The following MAPK8IP3 variants were observed in gnomAD, a reference collection of about 807,000 sequenced individuals.
MAPK8IP3 encodes C-Jun-amino-terminal kinase-interacting protein 3.
A neutral mutation model predicts 157.8 loss-of-function variants in MAPK8IP3; 49 were observed. The observed-to-expected ratio is 0.31, with a 90% CI of 0.25 to 0.39. The LOEUF is 0.39. Among genes scored for constraint, MAPK8IP3 ranks in the 10% least tolerant of loss-of-function variants. The pLI is 1.00. For synonymous variants in MAPK8IP3, 897 were observed against 777.7 expected (o/e 1.15, Z -2.55); for missense variants, 1,478 against 1,889.4 (o/e 0.78, Z 4.04).
At chr16:1,748,171 G>C (rs767401818) in intron 6 of MAPK8IP3, 73 bp from the exon 7 acceptor site, 1 of 1,167,846 alleles carries the variant, frequency 8.6e-7, no homozygotes, top group African/African-American at 1.5e-5. Flanking sequence ...CTCAGGTTCC[G>C]AGGGCAGCCG....
At chr16:1,760,659 C>G (rs1156652041) in intron 12 of MAPK8IP3, 127 bp downstream of exon 12, 6 of 1,206,714 alleles carry the variant, frequency 5.0e-6, no homozygotes, top group Non-Finnish European at 5.6e-6. Flanking sequence ...ACCTCCAGCT[C>G]CAGCTCACAG....
At chr16:1,738,004 ATC>A (rs1470688193) in intron 4 of MAPK8IP3, among the ~76,000 whole-genome samples, 9 of 55,892 alleles carry the variant, frequency 1.6e-4, no homozygotes, top group African/African-American at 2.4e-4. Flanking sequence ...CCATGTGAGC[ATC>A]TGTGTGACCG....
intron 2 of MAPK8IP3, among the ~76,000 whole-genome samples, chr16:1,728,139 T>C (rs2039018854): frequency 6.6e-6 from 1 of 152,158 alleles, no homozygotes; most frequent in African/African-American, 2.4e-5. Flanking sequence ...GGACATAGAG[T>C]GGGGTCCCCT....
At position 1,743,387 on chromosome 16, in the gene MAPK8IP3, C is replaced by T. The variant is rs766906412; in HGVS notation, c.658C>T (p.Arg220Cys). Reference sequence around the variant, plus strand: ...GTTCCCCCTGGCTGACGGCACGGTACGTGCACAGATCGGGGGCAAGCTCGT... The same window carrying T: ...GTTCCCCCTGGCTGACGGCACGGTATGTGCACAGATCGGGGGCAAGCTCGT... ...NVFPLADGTV[R>C]AQIGGKLVPA... The change falls in exon 5 of 32, where the codon CGT becomes TGT. Residue 220 changes from arginine (R) to cysteine (C), a missense_variant. Arg to Cys is a radical substitution (Grantham distance 180). This residue lies in a region of MAPK8IP3 where 315 missense variants were observed against 394.4 expected (regional missense o/e 0.80). Transcript: ENST00000610761. The surrounding 1 kb of genome is among the most constrained non-coding windows in gnomAD (Gnocchi z 5.6). The T allele has an allele frequency of 6.2e-6, 10 of 1,607,910 alleles. No homozygotes were observed. Among genetic ancestry groups the T allele is most frequent in the Admixed American group, 3.4e-5 (2 of 59,260 alleles).
At chr16:1,713,356 C>A (rs2037921201) in intron 1 of MAPK8IP3, among the ~76,000 whole-genome samples, 1 of 152,176 alleles carries the variant, frequency 6.6e-6, no homozygotes, top group East Asian at 1.9e-4. Flanking sequence ...ATAGCTGGGA[C>A]TACAGGCTCG....
At chr16:1,713,307 C>G (rs1164064336) in intron 1 of MAPK8IP3, among the ~76,000 whole-genome samples, 4 of 152,206 alleles carry the variant, frequency 2.6e-5, no homozygotes, top group African/African-American at 9.7e-5. Flanking sequence ...TGGTCTCAAA[C>G]TTCTGGACCG....
At chr16:1,713,026 G>A (rs2037897676) in intron 1 of MAPK8IP3, among the ~76,000 whole-genome samples, 1 of 152,246 alleles carries the variant, frequency 6.6e-6, no homozygotes, top group Non-Finnish European at 1.5e-5. Context: ...ATCTGTGTGT[G>A]TGGATAAAGG....
intron 23 of MAPK8IP3, 37 bp downstream of exon 23, chr16:1,766,685 T>C: frequency 1.9e-6 from 3 of 1,612,562 alleles, no homozygotes; most frequent in Non-Finnish European, 2.5e-6. Flanking sequence ...GGGAGGGTCC[T>C]GGGTGAGCCC....
intron 1 of MAPK8IP3, among the ~76,000 whole-genome samples, chr16:1,718,664 G>A (rs2038317288): frequency 6.6e-6 from 1 of 151,786 alleles, no homozygotes; most frequent in Non-Finnish European, 1.5e-5. Context: ...CATGGTGGTG[G>A]GCACCTGTAA....
At chr16:1,763,614 G>A (rs1218865867) in intron 16 of MAPK8IP3, 43 bp from the exon 17 acceptor site, 14 of 1,475,828 alleles carry the variant, frequency 9.5e-6, no homozygotes, top group Admixed American at 4.6e-5. Flanking sequence ...TGTGGGGGCC[G>A]CTCACCCTGG....
intron 2 of MAPK8IP3, among the ~76,000 whole-genome samples, chr16:1,726,323 C>T (rs886361150): frequency 1.3e-5 from 2 of 152,196 alleles, no homozygotes; most frequent in African/African-American, 4.8e-5. Flanking sequence ...GCTTTCAGTA[C>T]ATTTCATGTG....
intron 11 of MAPK8IP3, 64 bp from the exon 12 acceptor site, chr16:1,760,316 C>T: frequency 6.4e-7 from 1 of 1,550,916 alleles, no homozygotes; most frequent in Non-Finnish European, 8.7e-7. Flanking sequence ...GCGCCCCTGG[C>T]AAGGCCCCTT....
In MAPK8IP3 at chr16:1,751,320, C is replaced by G. The variant is rs1431472793; in HGVS notation, c.1216+2600C>G. 6.6e-6 allele frequency among the ~76,000 whole-genome samples: 1 copy of G among 152,102 alleles called. No homozygotes were observed. The highest frequency in any genetic ancestry group is 1.5e-5 in the Non-Finnish European group (1 of 68,016). The stretch of plus-strand genomic sequence containing the variant: ...AAATACAAAAAGAAATTAGCTGGGC[C>G]TGGTGGCGGGCACCTGTAATCCCAG... On this transcript the variant is annotated intron_variant, in intron 8 of 31. Transcript: ENST00000610761. This position sits in a 1 kb window ranked among gnomAD's most constrained non-coding sequence, Gnocchi z 5.0.
intron 4 of MAPK8IP3, among the ~76,000 whole-genome samples, chr16:1,739,378 G>C (rs1364526792): frequency 7.0e-6 from 1 of 142,986 alleles, no homozygotes; most frequent in Admixed American, 7.0e-5. Context: ...CCGTGTGACC[G>C]TCCGTGTGAG....
chr16:1,744,247 A>T, intron 5 of MAPK8IP3: 1 of 985,608 alleles, frequency 1.0e-6, no homozygotes, highest in Non-Finnish European at 1.2e-6. Flanking sequence ...TGGATTTCCC[A>T]CAGGGGCCGT....
chr16:1,747,629 G>C (rs938047213), intron 6 of MAPK8IP3, among the ~76,000 whole-genome samples: 2 of 152,210 alleles, frequency 1.3e-5, no homozygotes, highest in African/African-American at 4.8e-5. Flanking sequence ...ATACAGTCAT[G>C]CTAGGGGGTA....
At position 1,764,147 on chromosome 16, in the gene MAPK8IP3, G is replaced by T; in HGVS notation, c.2058G>T (p.Arg686=). The change falls in exon 18 of 32, where the codon CGG becomes CGT. Residue 686 remains arginine (R), a synonymous_variant. Coordinates refer to ENST00000610761, the MANE Select transcript of MAPK8IP3 (RefSeq NM_001318852.2). ...LSPNGGQEDT[R]MKNVPVPVYC... is the part of the protein sequence containing the mutation. ...CCAACGGGGGCCAGGAGGACACGCG[G>T]ATGAAGAACGTGCCGGTGCCGGTGT... The T allele has an allele frequency of 6.2e-7, 1 of 1,611,562 alleles. No homozygotes were observed. Among genetic ancestry groups the T allele is most frequent in the Non-Finnish European group, 8.5e-7 (1 of 1,179,486 alleles).
chr16:1,752,241 C>T lies in MAPK8IP3; in HGVS notation c.1216+3521C>T, dbSNP rs955100382. 2.4e-5 allele frequency: 4 copies of T among 167,422 alleles called. No homozygotes were observed. In the South Asian group the frequency reaches 3.1e-4, roughly 13 times the overall value. The allele number at this position is 167,422 out of a possible 1,614,324, so 10.4% of individuals were successfully genotyped here. A position where few individuals can be genotyped will look rare whatever the true frequency, so the allele number is the denominator to read the frequency against. On this transcript the variant is annotated intron_variant, in intron 8 of 31. Transcript: ENST00000610761. Reference sequence around the variant, plus strand: ...GTGAGGCAGTCCTTTTCTCATACCACGATGGAGGCCGAGTCACTGTGCGCT... The same window carrying T: ...GTGAGGCAGTCCTTTTCTCATACCATGATGGAGGCCGAGTCACTGTGCGCT...
At chr16:1,754,758 CAAAA>C (rs35088243) in intron 8 of MAPK8IP3, among the ~76,000 whole-genome samples, 3 of 104,074 alleles carry the variant, frequency 2.9e-5, no homozygotes, top group Admixed American at 1.1e-4. Flanking sequence ...GACTCCGTCT[CAAAA>C]AAAAAAAAAA....
Sources: allele counts gnomAD v4.1 joint callset (sites outside exome capture counted in the v4.1 genomes callset), GRCh38; gene constraint gnomAD v4.1.1; regional missense constraint gnomAD v4.1.1; non-coding constraint Gnocchi (gnomAD v3.1); transcripts MANE v1.5; gene names NCBI Gene and HGNC (gene_info 2026-07-23, HGNC 2026-07-21).